Variants in DKK2 observed in about 807,000 individuals in gnomAD.
The protein encoded by DKK2 is dickkopf Wnt signaling pathway inhibitor 2, also known as dickkopf-related protein 2.
In DKK2, 11 loss-of-function variants were observed where a neutral mutation model predicts 28.1. That is an observed-to-expected ratio of 0.39 (90% CI 0.25 to 0.65). DKK2 has a LOEUF of 0.65. Among genes scored for constraint, DKK2 ranks in the 30% least tolerant of loss-of-function variants. The pLI is 0.47. For missense variants in DKK2, 326 were observed against 335.5 expected, an observed-to-expected ratio of 0.97 and a Z score of 0.22; for synonymous variants, 135 against 126.5, an observed-to-expected ratio of 1.07 and a Z score of -0.45.
chr4:107,011,578 C>T (rs1001159302), intron 1 of DKK2, among the ~76,000 whole-genome samples: 4 of 151,484 alleles, frequency 2.6e-5, no homozygotes, highest in Non-Finnish European at 5.9e-5. Context: ...ACTCTGCATT[C>T]ATCATACAAA....
At chr4:106,957,886 T>C in intron 1 of DKK2, among the ~76,000 whole-genome samples, 1 of 150,864 alleles carries the variant, frequency 6.6e-6, no homozygotes, top group East Asian at 1.9e-4. Flanking sequence ...ACATGTACCC[T>C]AAAACTTAAA....
chr4:107,006,456 A>C (rs1723439456), intron 1 of DKK2, among the ~76,000 whole-genome samples: 2 of 152,180 alleles, frequency 1.3e-5, no homozygotes, highest in South Asian at 4.1e-4. Flanking sequence ...GTTGTGGGAA[A>C]AAAGAATACC....
chr4:106,998,521 A>G (rs1194094030), intron 1 of DKK2, among the ~76,000 whole-genome samples: 1 of 152,190 alleles, frequency 6.6e-6, no homozygotes, highest in Non-Finnish European at 1.5e-5. Flanking sequence ...TTAATTCAAT[A>G]GCTCTAGTCA....
At chr4:107,001,430 T>A (rs2110365259) in intron 1 of DKK2, among the ~76,000 whole-genome samples, 1 of 152,328 alleles carries the variant, frequency 6.6e-6, no homozygotes, top group Non-Finnish European at 1.5e-5. Context: ...TAAAGGCTTT[T>A]CTCTTCTAAG....
intron 1 of DKK2, among the ~76,000 whole-genome samples, chr4:106,985,123 G>A (rs776796815): frequency 6.6e-6 from 1 of 151,268 alleles, no homozygotes; most frequent in Non-Finnish European, 1.5e-5. Flanking sequence ...GCAGGAGAAT[G>A]GTGTAAACCC....
At chr4:106,952,237 T>C (rs1012211262) in intron 1 of DKK2, among the ~76,000 whole-genome samples, 5 of 152,298 alleles carry the variant, frequency 3.3e-5, no homozygotes, top group Admixed American at 2.0e-4. Flanking sequence ...ATTTTTATAG[T>C]TCTTCCTAGT....
intron 1 of DKK2, among the ~76,000 whole-genome samples, chr4:106,979,736 T>C (rs762148540): frequency 2.0e-5 from 3 of 152,232 alleles, no homozygotes; most frequent in Non-Finnish European, 2.9e-5. Context: ...GTAACACACA[T>C]GCAGATGCTG....
intron 1 of DKK2, among the ~76,000 whole-genome samples, chr4:106,939,981 C>T (rs1394918944): frequency 1.6e-4 from 25 of 152,260 alleles, no homozygotes; most frequent in African/African-American, 5.5e-4. Context: ...CAGACTTAAA[C>T]GTTAGACCTA....
intron 1 of DKK2, among the ~76,000 whole-genome samples, chr4:106,937,380 A>T (rs1323543681): frequency 7.4e-6 from 1 of 134,518 alleles, no homozygotes; most frequent in Non-Finnish European, 1.6e-5. Context: ...AGGCCATTAC[A>T]TAATGGTAAA....
Position 106,925,841 on chromosome 4 carries a change from G to A in DKK2, c.331C>T (p.His111Tyr), listed in dbSNP as rs1724416965. 1.2e-6 allele frequency: 2 copies of A among 1,613,522 alleles called. No homozygotes were observed. The highest frequency in any genetic ancestry group is 1.7e-6 in the Non-Finnish European group (2 of 1,179,850). Residue 111 changes from histidine to tyrosine, a missense_variant, in exon 2 of 4, where the codon CAC becomes TAC. Coordinates refer to ENST00000285311, the MANE Select transcript of DKK2 (RefSeq NM_014421.3). ...MVCRRKKKRC[H>Y]RDGMCCPSTR... is the part of the protein sequence containing the mutation. ...CTGGGGCAGCACATGCCATCTCGGT[G>A]GCAGCGCTTCTTTTTTCTCCGACAC...
At chr4:106,988,243 T>C (rs1323054464) in intron 1 of DKK2, among the ~76,000 whole-genome samples, 1 of 152,186 alleles carries the variant, frequency 6.6e-6, no homozygotes, top group African/African-American at 2.4e-5. Context: ...CACGTGGTTT[T>C]TAGTTAAAAC....
At chr4:107,025,564 G>C (rs1280403413) in intron 1 of DKK2, among the ~76,000 whole-genome samples, 2 of 152,082 alleles carry the variant, frequency 1.3e-5, no homozygotes, top group African/African-American at 2.4e-5. Flanking sequence ...TTAGCACTTG[G>C]AAAAAGGACA....
chr4:106,949,240 C>T (rs778423006), intron 1 of DKK2, among the ~76,000 whole-genome samples: 1 of 152,096 alleles, frequency 6.6e-6, no homozygotes, highest in Non-Finnish European at 1.5e-5. Flanking sequence ...CTTCTTTCTT[C>T]CTTTGATGTC....
intron 1 of DKK2, among the ~76,000 whole-genome samples, chr4:106,997,622 G>C (rs191620749): frequency 6.6e-6 from 1 of 152,190 alleles, no homozygotes; most frequent in African/African-American, 2.4e-5. Context: ...TCCAAAAAAA[G>C]TTAATGGGGA....
chr4:106,937,447 G>C (rs1490193877), intron 1 of DKK2, among the ~76,000 whole-genome samples: 1 of 126,218 alleles, frequency 7.9e-6, no homozygotes, highest in Non-Finnish European at 1.7e-5. Flanking sequence ...CCCAATACAG[G>C]AGCACCAAGA....
At chr4:107,034,977 T>C (rs1723939747) in intron 1 of DKK2, among the ~76,000 whole-genome samples, 1 of 152,186 alleles carries the variant, frequency 6.6e-6, no homozygotes, top group Non-Finnish European at 1.5e-5. Context: ...AATGAGTGAA[T>C]ATGTAAAACG....
chr4:107,027,596 T>C (rs1723804680), intron 1 of DKK2, among the ~76,000 whole-genome samples: 1 of 152,038 alleles, frequency 6.6e-6, no homozygotes, highest in Admixed American at 6.6e-5. Flanking sequence ...GCCAATACAC[T>C]ATGTAGAAAG....
At chr4:107,032,146 C>T (rs543608552) in intron 1 of DKK2, among the ~76,000 whole-genome samples, 1 of 152,050 alleles carries the variant, frequency 6.6e-6, no homozygotes, top group South Asian at 2.1e-4. Flanking sequence ...AATGAAAAGG[C>T]AAATTAAAAC....
chr4:106,935,548 T>C (rs1256904968), intron 1 of DKK2, among the ~76,000 whole-genome samples: 2 of 152,212 alleles, frequency 1.3e-5, no homozygotes, highest in African/African-American at 4.8e-5. Context: ...GAGGGGCGCC[T>C]GCCATTGCCC....
Sources: gnomAD v4.1 joint callset for allele counts (sites outside exome capture counted in the v4.1 genomes callset) on GRCh38, gnomAD v4.1.1 for gene constraint, MANE v1.5 for transcripts, NCBI Gene and HGNC (gene_info 2026-07-23, HGNC 2026-07-21) for gene names.